Variants in BRI3 observed in about 807,000 individuals in gnomAD.
The protein encoded by BRI3 is brain protein I3.
Under a neutral mutation model 12.8 loss-of-function variants are expected in BRI3, and 6 were observed. The ratio of observed to expected loss-of-function variants is 0.47; its 90% CI spans 0.26 to 0.93. The LOEUF (loss-of-function observed/expected upper bound fraction) is 0.93, where lower values mean the gene tolerates loss of function less well. Ranked by LOEUF, BRI3 falls within the 40% of genes least tolerant of loss-of-function variation. The pLI is 0.15. For synonymous variants in BRI3, 91 were observed against 76.1 expected, an observed-to-expected ratio of 1.20 and a Z score of -1.02; for missense variants, 134 against 171.1, an observed-to-expected ratio of 0.78 and a Z score of 1.21.
chr7:98,292,355 C>CCCA (rs1011734345), downstream of BRI3: 3 of 394,442 alleles, frequency 7.6e-6, no homozygotes, highest in African/African-American at 4.2e-5. Flanking sequence ...CTGAGTGGCG[C>CCCA]CCACCACCAC....
In BRI3 at chr7:98,291,342, G is replaced by A; in HGVS notation, c.*99G>A. 4 of 1,547,660 alleles carry A rather than the reference G, an allele frequency of 2.6e-6. No individual in the cohort carries two copies. The South Asian group carries it at 5.0e-5, about 19-fold the overall frequency. On this transcript the variant is annotated 3_prime_UTR_variant, in exon 3 of 3. Coordinates refer to ENST00000297290, the MANE Select transcript of BRI3 (RefSeq NM_015379.5). The stretch of plus-strand genomic sequence containing the variant: ...TTTGATTAAGCTTCAGGACTGTTTT[G>A]TAAAGCGAGGTGGGACCGATGTGGC...
chr7:98,295,274 G>A (rs1384095555), downstream of BRI3, among the ~76,000 whole-genome samples: 1 of 152,164 alleles, frequency 6.6e-6, no homozygotes, highest in African/African-American at 2.4e-5. Flanking sequence ...GAGCCCCAGG[G>A]CTGTGCCTGA....
At chr7:98,304,058 CCCCTCCT>C (rs1284557111), upstream of BRI3, 19 of 869,072 alleles carry the variant, frequency 2.2e-5, 1 homozygote, top group South Asian at 3.8e-4. Context: ...GGCAGCAAGT[CCCCTCCT>C]CCCTCCTCCC....
chr7:98,312,664 C>T (rs760573403), downstream of BRI3, among the ~76,000 whole-genome samples: 1 of 152,210 alleles, frequency 6.6e-6, no homozygotes, highest in African/African-American at 2.4e-5. Flanking sequence ...ACCTCCAACA[C>T]AGGCCACGGG....
At chr7:98,308,684 G>A (rs115435700) in exon 2 of BRI3, 3,800 of 204,662 alleles carry the variant, frequency 0.019, 148 homozygotes, top group African/African-American at 0.082. Context: ...ATATATGTAT[G>A]TATATACATT....
intron 2 of BRI3, among the ~76,000 whole-genome samples, chr7:98,290,206 T>TG (rs1799867267): frequency 1.3e-5 from 1 of 79,064 alleles, no homozygotes; most frequent in African/African-American, 4.2e-5. Flanking sequence ...TTTTTTTTTT[T>TG]GAGACGGAGT....
downstream of BRI3, chr7:98,294,221 G>C: frequency 9.0e-7 from 1 of 1,107,096 alleles, no homozygotes; most frequent in Non-Finnish European, 1.3e-6. Flanking sequence ...TCGAACTCCT[G>C]AGCTCACGTG....
Position 98,285,991 on chromosome 7 carries a change from T to C in BRI3, c.245+3538T>C, listed in dbSNP as rs79854163. ...TTGTTCCTGGGCGTGGATGGTGCCT[T>C]GAGGCCACCATGTGCGCAGAGGGCA... On this transcript the variant is annotated intron_variant, in intron 2 of 2. Transcript: ENST00000297290. 5.9e-3 allele frequency among the ~76,000 whole-genome samples: 898 copies of C among 152,256 alleles called. 19 individuals are homozygous for C. Among genetic ancestry groups the C allele is most frequent in the African/African-American group, 0.02 (843 of 41,542 alleles).
At chr7:98,319,092 C>T in the BRI3 span, among the ~76,000 whole-genome samples, 869 of 152,296 alleles carry the variant, frequency 5.7e-3, 13 homozygotes, top group African/African-American at 0.02. Context: ...TGCAGCCAGG[C>T]AGCAGTCCTC....
At chr7:98,306,594 G>T (rs1202157144) in exon 1 of BRI3, 2 of 1,605,048 alleles carry the variant, frequency 1.2e-6, no homozygotes, top group Non-Finnish European at 8.5e-7. Flanking sequence ...CCTGGTGAGA[G>T]CTCAGGGCAG....
downstream of BRI3, chr7:98,292,505 C>T (rs1800009577): frequency 1.1e-6 from 1 of 871,740 alleles, no homozygotes; most frequent in African/African-American, 1.7e-5. Context: ...AAAATAGGTC[C>T]AGATCCTTGG....
At chr7:98,282,300 C>A (rs778224514) in intron 1 of BRI3, 51 bp from the exon 2 acceptor site, 3 of 1,449,156 alleles carry the variant, frequency 2.1e-6, no homozygotes, top group Non-Finnish European at 1.9e-6. Context: ...GTCCCCGTGG[C>A]GGTCCGATTT....
exon 2 of BRI3, chr7:98,310,430 G>C: frequency 6.4e-7 from 1 of 1,574,728 alleles, no homozygotes. Flanking sequence ...AAATAAATCA[G>C]ACTGAATCTC....
chr7:98,289,861 C>T (rs76446760), intron 2 of BRI3, among the ~76,000 whole-genome samples: 35 of 152,142 alleles, frequency 2.3e-4, no homozygotes, highest in Non-Finnish European at 5.9e-5. Flanking sequence ...CAGTTGGGTT[C>T]GATGATGATT....
At chr7:98,292,285 T>C (rs1584403885), downstream of BRI3, 3 of 304,198 alleles carry the variant, frequency 9.9e-6, no homozygotes, top group East Asian at 2.5e-4. Flanking sequence ...TGCAGCAGCA[T>C]GATCTGGCTC....
exon 1 of BRI3, chr7:98,306,574 C>T (rs747273857): frequency 4.0e-5 from 64 of 1,612,746 alleles, no homozygotes; most frequent in Middle Eastern, 1.6e-4. Context: ...ACGGCAACCT[C>T]CCTGAACAAC....
At chr7:98,294,319 G>A (rs1326583522), downstream of BRI3, among the ~76,000 whole-genome samples, 1 of 152,156 alleles carries the variant, frequency 6.6e-6, no homozygotes, top group Admixed American at 6.5e-5. Flanking sequence ...AATAAGACCC[G>A]AAGGTAAAGA....
At chr7:98,323,187 C>G in the BRI3 span, 3 of 152,166 alleles carry the variant, frequency 2.0e-5, no homozygotes, top group African/African-American at 7.2e-5. Context: ...GAATTCTTCA[C>G]AAAAGCTGCC....
At chr7:98,297,779 C>A (rs1800251228), downstream of BRI3, among the ~76,000 whole-genome samples, 1 of 152,208 alleles carries the variant, frequency 6.6e-6, no homozygotes, top group Non-Finnish European at 1.5e-5. Flanking sequence ...CAGGCCTGCA[C>A]CGGGGGCACT....
Sources: gnomAD v4.1 joint callset for allele counts (sites outside exome capture counted in the v4.1 genomes callset) on GRCh38, gnomAD v4.1.1 for gene constraint, MANE v1.5 for transcripts, NCBI Gene and HGNC (gene_info 2026-07-23, HGNC 2026-07-21) for gene names.